Variants in SLC4A4 observed in about 807,000 individuals in gnomAD.
SLC4A4 encodes solute carrier family 4 member 4.
In SLC4A4, 27 loss-of-function variants were observed where a neutral mutation model predicts 111.5. That is an observed-to-expected ratio of 0.24 (90% CI 0.18 to 0.33). The LOEUF is 0.33. Ranked by LOEUF, SLC4A4 falls within the 10% of genes least tolerant of loss-of-function variation. The pLI is 1.00. For synonymous variants in SLC4A4, 443 were observed against 463.4 expected, an observed-to-expected ratio of 0.96 and a Z score of 0.57; for missense variants, 909 against 1,315.5, an observed-to-expected ratio of 0.69 and a Z score of 4.78.
chr4:71,115,804 A>G (rs533573014), intron 2 of SLC4A4, among the ~76,000 whole-genome samples: 1 of 152,350 alleles, frequency 6.6e-6, no homozygotes, highest in South Asian at 2.1e-4. Context: ...CTCTCTCTAA[A>G]ATATTTGAAA....
chr4:71,548,638 C>G (rs373688227), intron 20 of SLC4A4, among the ~76,000 whole-genome samples: 1 of 151,878 alleles, frequency 6.6e-6, no homozygotes, highest in Non-Finnish European at 1.5e-5. Flanking sequence ...TAACGATATC[C>G]TTCCAAATTT....
intron 7 of SLC4A4, among the ~76,000 whole-genome samples, chr4:71,428,362 G>A (rs542157885): frequency 6.6e-6 from 1 of 151,986 alleles, no homozygotes; most frequent in Non-Finnish European, 1.5e-5. Context: ...AGGCAGGGTG[G>A]CCATAATAAT....
At chr4:71,210,684 A>C (rs1718081399) in intron 1 of SLC4A4, among the ~76,000 whole-genome samples, 1 of 152,226 alleles carries the variant, frequency 6.6e-6, no homozygotes, top group South Asian at 2.1e-4. Context: ...GTGTAAACAA[A>C]ATGATCAGAA....
At chr4:71,339,603 GAAT>G in intron 4 of SLC4A4, 98 bp downstream of exon 4, 1 of 1,157,864 alleles carries the variant, frequency 8.6e-7, no homozygotes, top group South Asian at 1.3e-5. Flanking sequence ...TTAGCACTTT[GAAT>G]GGCCAATGGG....
At chr4:71,454,860 C>G (rs1232799645) in intron 12 of SLC4A4, among the ~76,000 whole-genome samples, 1 of 152,132 alleles carries the variant, frequency 6.6e-6, no homozygotes, top group Non-Finnish European at 1.5e-5. Flanking sequence ...GTGGTTCTCT[C>G]TTTGGTCCCT....
chr4:71,364,098 T>G (rs916098800), intron 6 of SLC4A4, among the ~76,000 whole-genome samples: 1 of 152,310 alleles, frequency 6.6e-6, no homozygotes, highest in Non-Finnish European at 1.5e-5. Context: ...CCACTCTTTA[T>G]AGCAATGAAG....
chr4:71,258,199 G>A (rs958512480), intron 3 of SLC4A4, among the ~76,000 whole-genome samples: 5 of 152,178 alleles, frequency 3.3e-5, no homozygotes, highest in African/African-American at 4.8e-5. Flanking sequence ...TGATATTGGA[G>A]TTCCTTGGTG....
intron 13 of SLC4A4, 103 bp downstream of exon 13, chr4:71,466,680 C>T: frequency 8.4e-7 from 1 of 1,189,618 alleles, no homozygotes; most frequent in South Asian, 1.3e-5. Flanking sequence ...CCAAGAATCA[C>T]TCAGAATACT....
At chr4:71,474,935 A>T (rs1353445824) in intron 14 of SLC4A4, among the ~76,000 whole-genome samples, 1 of 151,720 alleles carries the variant, frequency 6.6e-6, no homozygotes, top group Admixed American at 6.6e-5. Flanking sequence ...TGTTATTGTC[A>T]CTCAACTATA....
chr4:71,309,027 G>A (rs1016374452), intron 3 of SLC4A4, among the ~76,000 whole-genome samples: 9 of 152,196 alleles, frequency 5.9e-5, no homozygotes, highest in Non-Finnish European at 1.2e-4. Flanking sequence ...GACCTGGGAC[G>A]CTCAAGCTTG....
intron 16 of SLC4A4, among the ~76,000 whole-genome samples, chr4:71,522,218 G>GTCTT (rs1733004526): frequency 2.0e-5 from 3 of 152,174 alleles, no homozygotes; most frequent in Admixed American, 2.0e-4. Flanking sequence ...TCAGCCTCGA[G>GTCTT]TCTTTAGTCA....
chr4:71,534,153 C>A, intron 17 of SLC4A4, 74 bp from the exon 18 acceptor site: 2 of 1,228,650 alleles, frequency 1.6e-6, no homozygotes, highest in Non-Finnish European at 2.4e-6. Context: ...AGCATGTCTT[C>A]CCGTTGGTTT....
At chr4:71,249,511 A>G (rs1373095464) in intron 2 of SLC4A4, among the ~76,000 whole-genome samples, 1 of 152,132 alleles carries the variant, frequency 6.6e-6, no homozygotes, top group Non-Finnish European at 1.5e-5. Context: ...TTATACCAGT[A>G]AATTAGCAAT....
chr4:71,397,138 G>A (rs1719891046), intron 6 of SLC4A4, among the ~76,000 whole-genome samples: 1 of 152,182 alleles, frequency 6.6e-6, no homozygotes, highest in Non-Finnish European at 1.5e-5. Flanking sequence ...GCCTGGGGGA[G>A]AGGAGGTCTG....
intron 1 of SLC4A4, among the ~76,000 whole-genome samples, chr4:71,079,371 T>C (rs1741930090): frequency 6.6e-6 from 1 of 152,210 alleles, no homozygotes; most frequent in Non-Finnish European, 1.5e-5. Flanking sequence ...CACATCCTTT[T>C]GTGCTTTGAA....
chr4:71,408,061 C>CT (rs994093490), intron 7 of SLC4A4, among the ~76,000 whole-genome samples: 1 of 152,050 alleles, frequency 6.6e-6, no homozygotes, highest in African/African-American at 2.4e-5. Context: ...TATTATTGAA[C>CT]TTTTTTATTA....
At chr4:71,098,862 C>G (rs1395959976) in intron 2 of SLC4A4, among the ~76,000 whole-genome samples, 3 of 152,082 alleles carry the variant, frequency 2.0e-5, no homozygotes, top group Non-Finnish European at 4.4e-5. Flanking sequence ...AAAAGAGAAA[C>G]AAGGGTATTA....
intron 6 of SLC4A4, among the ~76,000 whole-genome samples, chr4:71,371,676 T>C (rs1434288860): frequency 6.6e-6 from 1 of 152,206 alleles, no homozygotes; most frequent in Non-Finnish European, 1.5e-5. Context: ...TCCTATTTTC[T>C]GTGCCTCACA....
intron 2 of SLC4A4, among the ~76,000 whole-genome samples, chr4:71,123,085 GA>G (rs1743478078): frequency 6.6e-6 from 1 of 152,194 alleles, no homozygotes. Flanking sequence ...AAAAGCAACA[GA>G]AGATCTTTAG....
Sources: gnomAD v4.1 joint callset for allele counts (sites outside exome capture counted in the v4.1 genomes callset) on GRCh38, gnomAD v4.1.1 for gene constraint, MANE v1.5 for transcripts, NCBI Gene and HGNC (gene_info 2026-07-23, HGNC 2026-07-21) for gene names.